The following CR2 variants were observed in gnomAD, a reference collection of about 807,000 sequenced individuals.
CR2 encodes complement receptor type 2.
Under a neutral mutation model 123.0 loss-of-function variants are expected in CR2, and 96 were observed. The observed-to-expected ratio is 0.78, with a 90% CI of 0.66 to 0.93. CR2 has a LOEUF of 0.93. CR2 is among the 40% of genes least tolerant of loss of function. The probability of loss-of-function intolerance (pLI) is 0.00; values close to 1 mark genes in which losing one functional copy is unlikely to be tolerated. For synonymous variants in CR2, 484 were observed against 469.5 expected (o/e 1.03, Z -0.40); for missense variants, 1,258 against 1,361.0 (o/e 0.92, Z 1.19).
chr1:207,462,696 G>A (rs1657996710), intron 1 of CR2, among the ~76,000 whole-genome samples: 1 of 152,182 alleles, frequency 6.6e-6, no homozygotes, highest in Admixed American at 6.6e-5. Context: ...TTTGGAGAGA[G>A]ATTTCTGGAG....
intron 2 of CR2, among the ~76,000 whole-genome samples, chr1:207,467,398 C>G (rs944802712): frequency 6.6e-6 from 1 of 151,924 alleles, no homozygotes; most frequent in South Asian, 2.1e-4. Context: ...CACTATTTCC[C>G]CAAGTCATCT....
At chr1:207,476,475 T>C in intron 15 of CR2, 56 bp downstream of exon 15, 5 of 1,500,602 alleles carry the variant, frequency 3.3e-6, no homozygotes, top group Non-Finnish European at 4.6e-6. Flanking sequence ...CAAATAGATA[T>C]ATTCAGTTGG....
In CR2 at chr1:207,473,781, T is replaced by TAAG; in HGVS notation, c.2156-20_2156-19insAAG. 1 of 1,613,374 alleles carries TAAG rather than the reference T, an allele frequency of 6.2e-7. No individual in the cohort carries two copies. Among genetic ancestry groups the TAAG allele is most frequent in the Non-Finnish European group, 8.5e-7 (1 of 1,179,276 alleles). The stretch of plus-strand genomic sequence containing the variant: ...TATGAGACATCTATAAATACTGTAA[T>TAAG]TCCATCCTTGCTTCTCCAGAAACAT... On this transcript the variant is annotated intron_variant, in intron 11 of 19. Coordinates refer to ENST00000367057, the MANE Select transcript of CR2 (RefSeq NM_001006658.3).
At chr1:207,458,083 C>CACATACACACACACACACACACACAT (rs1371819145) in intron 1 of CR2, among the ~76,000 whole-genome samples, 1 of 146,348 alleles carries the variant, frequency 6.8e-6, no homozygotes, top group African/African-American at 2.7e-5. Context: ...CACACACACA[C>CACATACACACACACACACACACACAT]ACACACACAC....
chr1:207,480,403 TTC>T (rs1265588021), intron 18 of CR2, among the ~76,000 whole-genome samples: 3 of 152,020 alleles, frequency 2.0e-5, no homozygotes, highest in African/African-American at 7.3e-5. Context: ...CATTTTCATC[TTC>T]TGTCTTGATT....
Position 207,468,670 on chromosome 1 carries a change from T to C in CR2, c.589T>C (p.Cys197Arg). The C allele has an allele frequency of 6.2e-7, 1 of 1,614,134 alleles. No homozygotes were observed. The highest frequency in any genetic ancestry group is 8.5e-7 in the Non-Finnish European group (1 of 1,179,982). ...GCTTGTTGGAGAAAAGATCATTAAC[T>C]GTTTGTCTTCGGGAAAATGGAGTGC... The part of the protein sequence containing the change: ...YLLVGEKIIN[C>R]LSSGKWSAVP... The change falls in exon 3 of 20, where the codon TGT (cysteine) becomes CGT (arginine). Residue 197 changes from cysteine to arginine, a missense_variant. By Grantham distance (180) the Cys-to-Arg change is radical (BLOSUM62 -3). Coordinates refer to ENST00000367057, the MANE Select transcript of CR2 (RefSeq NM_001006658.3).
At position 207,469,871 on chromosome 1, in the gene CR2, A is replaced by G; in HGVS notation, c.994A>G (p.Thr332Ala). The stretch of plus-strand genomic sequence containing the variant: ...CCGTTGTACAGTTGATAGTCAGAAG[A>G]CTGGGACCTGGAGTGGCCCTGCCCC... ...TLRCTVDSQKTGTWSGPAPRC... is the reference protein window; with the variant it reads ...TLRCTVDSQKAGTWSGPAPRC... Residue 332 changes from threonine to alanine, a missense_variant, in exon 6 of 20, where the codon ACT (threonine) becomes GCT (alanine). Thr to Ala is a moderately conservative substitution (Grantham distance 58). Transcript: ENST00000367057. The G allele has an allele frequency of 6.2e-7, 1 of 1,613,996 alleles. No homozygotes were observed. The highest frequency in any genetic ancestry group is 1.3e-5 in the African/African-American group (1 of 75,040).
At chr1:207,486,826 C>A (rs2102316250) in intron 19 of CR2, among the ~76,000 whole-genome samples, 2 of 152,318 alleles carry the variant, frequency 1.3e-5, no homozygotes, top group South Asian at 4.1e-4. Context: ...CCATTAATTA[C>A]ATGATTGAGA....
intron 2 of CR2, 43 bp downstream of exon 2, chr1:207,466,955 C>T: frequency 6.5e-7 from 1 of 1,540,294 alleles, no homozygotes; most frequent in Non-Finnish European, 8.7e-7. Flanking sequence ...TGGGGTCTTG[C>T]CTTTCTGTGC....
At chr1:207,465,078 C>G (rs1658060716) in intron 1 of CR2, among the ~76,000 whole-genome samples, 1 of 151,862 alleles carries the variant, frequency 6.6e-6, no homozygotes, top group African/African-American at 2.4e-5. Flanking sequence ...TTACAGGCAT[C>G]CAACATCATG....
intron 18 of CR2, among the ~76,000 whole-genome samples, chr1:207,483,513 AG>A (rs979086723): frequency 2.3e-4 from 35 of 152,026 alleles, no homozygotes; most frequent in African/African-American, 8.2e-4. Context: ...TCAGAAAAAA[AG>A]GGTGTTCTAT....
At chr1:207,473,303 A>C in intron 10 of CR2, 124 bp downstream of exon 10, 1 of 1,215,970 alleles carries the variant, frequency 8.2e-7, no homozygotes, top group Non-Finnish European at 1.2e-6. Context: ...TGTTTCTTCC[A>C]TCCTATAATA....
At chr1:207,470,162 G>GA in intron 6 of CR2, 60 bp downstream of exon 6, 1 of 1,598,746 alleles carries the variant, frequency 6.3e-7, no homozygotes, top group Non-Finnish European at 8.5e-7. Flanking sequence ...ATTAGAAGAA[G>GA]GGGTTGTGGG....
rs893158143 is a variant in CR2, at chr1:207,474,335, A to C, written c.2323+12A>C. The stretch of plus-strand genomic sequence containing the variant: ...TCCACTTTGTAAAGGTAAGTTAGAA[A>C]AAATAAAAGCCTGACAATGGTAATG... On this transcript the variant is annotated intron_variant, in intron 13 of 19. Transcript: ENST00000367057. The C allele has an allele frequency of 6.3e-7, 1 of 1,582,486 alleles. No individual in the cohort carries two copies. Among genetic ancestry groups the C allele is most frequent in the African/African-American group, 1.3e-5 (1 of 74,294 alleles).
At chr1:207,486,837 T>C (rs541676929) in intron 19 of CR2, among the ~76,000 whole-genome samples, 107 of 152,324 alleles carry the variant, frequency 7.0e-4, no homozygotes, top group Middle Eastern at 3.4e-3. Context: ...ATGATTGAGA[T>C]TGCAAAGAGC....
At chr1:207,457,612 G>A (rs1015509731) in intron 1 of CR2, among the ~76,000 whole-genome samples, 1 of 152,086 alleles carries the variant, frequency 6.6e-6, no homozygotes, top group Non-Finnish European at 1.5e-5. Flanking sequence ...TTGCAATGTC[G>A]CTACTGACCC....
At chr1:207,474,688 A>G in intron 13 of CR2, 136 bp from the exon 14 acceptor site, 1 of 956,934 alleles carries the variant, frequency 1.0e-6, no homozygotes, top group East Asian at 2.4e-5. Flanking sequence ...AAAAAAGCAT[A>G]ATCCATATTC....
Position 207,466,643 on chromosome 1 carries a change from G to A in CR2, c.176G>A (p.Gly59Glu). 6.2e-7 allele frequency: 1 copy of A among 1,614,048 alleles called. No homozygotes were observed. The highest frequency in any genetic ancestry group is 8.5e-7 in the Non-Finnish European group (1 of 1,179,980). The change falls in exon 2 of 20, where the codon GGA becomes GAA. Residue 59 changes from glycine (G) to glutamate (E), a missense_variant. Physicochemically the swap from Gly to Glu is moderately conservative, Grantham distance 98. Coordinates refer to ENST00000367057, the MANE Select transcript of CR2 (RefSeq NM_001006658.3). ...TGTTCAGGTACCTTCCGCCTCATTG[G>A]AGAAAAAAGTCTATTATGCATAACT... ...YSCSGTFRLI[G>E]EKSLLCITKD... is the part of the protein sequence containing the mutation.
At chr1:207,465,408 C>CAT (rs34956511) in intron 1 of CR2, among the ~76,000 whole-genome samples, 2,397 of 149,982 alleles carry the variant, frequency 0.016, 56 homozygotes, top group East Asian at 0.1. Flanking sequence ...TTTTTTCATA[C>CAT]ATATATATAT....
Sources: allele counts gnomAD v4.1 joint callset (sites outside exome capture counted in the v4.1 genomes callset), GRCh38; gene constraint gnomAD v4.1.1; transcripts MANE v1.5; gene names NCBI Gene and HGNC (gene_info 2026-07-23, HGNC 2026-07-21).